Variants in POC1B observed in about 807,000 individuals in gnomAD.
POC1B encodes the protein POC1 centriolar protein B.
POC1B carries 44 observed loss-of-function variants against 60.6 expected under a neutral mutation model. The observed-to-expected ratio is 0.73, with a 90% confidence interval of 0.57 to 0.93. The LOEUF is 0.93. Ranked by LOEUF, POC1B falls within the 40% of genes least tolerant of loss-of-function variation. The pLI, the probability that POC1B is intolerant of heterozygous loss-of-function variation, is 0.00. For synonymous variants in POC1B, 180 were observed against 198.9 expected (o/e 0.90, Z 0.80); for missense variants, 555 against 572.3 (o/e 0.97, Z 0.31).
intron 2 of POC1B, chr12:89,500,650 T>C (rs1411920551): frequency 1.3e-6 from 2 of 1,576,246 alleles, no homozygotes; most frequent in African/African-American, 1.3e-5. Flanking sequence ...CTTACACTTT[T>C]GAAAATTCAG....
intron 10 of POC1B, among the ~76,000 whole-genome samples, chr12:89,440,048 A>G (rs1435330438): frequency 6.6e-6 from 1 of 152,128 alleles, no homozygotes; most frequent in Non-Finnish European, 1.5e-5. Flanking sequence ...TATAACCCAC[A>G]TGCATCCCCC....
chr12:89,444,299 C>CA (rs1881666223), intron 10 of POC1B, among the ~76,000 whole-genome samples: 2 of 151,950 alleles, frequency 1.3e-5, no homozygotes, highest in African/African-American at 4.8e-5. Flanking sequence ...AGAGACACAA[C>CA]GAAAAAAGAA....
At chr12:89,432,180 TTGAGACCAGCC>T in intron 10 of POC1B, among the ~76,000 whole-genome samples, 1 of 151,820 alleles carries the variant, frequency 6.6e-6, no homozygotes. Context: ...GCTCAAGAGT[TTGAGACCAGCC>T]TGGGCAACAC....
In POC1B at chr12:89,432,443, T is replaced by C. The variant is rs559650179; in HGVS notation, c.1114-7064A>G. Among the ~76,000 whole-genome samples the C allele has an allele frequency of 1.1e-4, 16 of 143,500 alleles. No homozygotes were observed. In the South Asian group the frequency reaches 2.9e-3, roughly 26 times the overall value. 94.1% of individuals were successfully genotyped at this position (143,500 alleles called of 152,430 possible). A position where few individuals can be genotyped will look rare whatever the true frequency, so the allele number is the denominator to read the frequency against. ...TAACTTAATCACATTGGCAAAGCCC[T>C]CTTTGCCATGTAAGGAAACATTTTC... On this transcript the variant is annotated intron_variant, in intron 10 of 11. Coordinates refer to ENST00000313546, the MANE Select transcript of POC1B (RefSeq NM_172240.3).
chr12:89,511,353 T>A (rs1870177334), intron 2 of POC1B, among the ~76,000 whole-genome samples: 1 of 151,250 alleles, frequency 6.6e-6, no homozygotes, highest in Admixed American at 6.6e-5. Context: ...GAGGCAGAAG[T>A]TGCAATGAGC....
chr12:89,409,627 C>A, the POC1B span, among the ~76,000 whole-genome samples: 4 of 152,176 alleles, frequency 2.6e-5, no homozygotes, highest in Non-Finnish European at 5.9e-5. Context: ...GGGGAGCTCA[C>A]CACTGATCCG....
intron 4 of POC1B, among the ~76,000 whole-genome samples, chr12:89,485,662 G>C (rs1302387421): frequency 2.0e-5 from 3 of 152,078 alleles, no homozygotes; most frequent in Admixed American, 1.3e-4. Context: ...AACCAAAATG[G>C]ACAAAGAAAG....
chr12:89,476,849 C>T (rs1883142638), intron 4 of POC1B, among the ~76,000 whole-genome samples: 1 of 152,182 alleles, frequency 6.6e-6, no homozygotes, highest in Admixed American at 6.5e-5. Context: ...TATAAAAACA[C>T]ATTCCCAGCA....
chr12:89,499,673 AAAAT>A (rs1869447336), intron 2 of POC1B, among the ~76,000 whole-genome samples: 1 of 152,266 alleles, frequency 6.6e-6, no homozygotes, highest in Admixed American at 6.5e-5. Context: ...AAAGAAATAA[AAAAT>A]AAAACAATTG....
intron 2 of POC1B, among the ~76,000 whole-genome samples, chr12:89,516,292 A>G (rs758869135): frequency 5.3e-5 from 8 of 152,162 alleles, no homozygotes; most frequent in African/African-American, 9.7e-5. Context: ...GATATCTTCA[A>G]TATTCAGACA....
intron 10 of POC1B, among the ~76,000 whole-genome samples, chr12:89,441,127 A>T (rs1011986002): frequency 1.3e-5 from 2 of 152,254 alleles, no homozygotes; most frequent in Admixed American, 6.5e-5. Context: ...AAGCTCGAAC[A>T]GGGTGGAACC....
the POC1B span, among the ~76,000 whole-genome samples, chr12:89,412,154 T>A: frequency 6.6e-6 from 1 of 152,138 alleles, no homozygotes; most frequent in Admixed American, 6.5e-5. Flanking sequence ...CAGCAAGAAG[T>A]CCTTGTCCAC....
chr12:89,419,386 T>C (rs537895583), downstream of POC1B, among the ~76,000 whole-genome samples: 2 of 152,312 alleles, frequency 1.3e-5, no homozygotes, highest in Non-Finnish European at 2.9e-5. Context: ...TCAAGGCATC[T>C]GCATTTATAT....
chr12:89,407,429 G>A, the POC1B span, among the ~76,000 whole-genome samples: 1 of 152,004 alleles, frequency 6.6e-6, no homozygotes, highest in East Asian at 1.9e-4. Context: ...TAGAGACGGG[G>A]GTTTCACCAT....
chr12:89,407,143 C>A, the POC1B span, among the ~76,000 whole-genome samples: 1 of 97,896 alleles, frequency 1.0e-5, no homozygotes. Flanking sequence ...AGCGAGACTC[C>A]GTCTCAAAAA....
intron 2 of POC1B, chr12:89,501,699 G>A (rs903444547): frequency 6.2e-6 from 6 of 971,520 alleles, no homozygotes; most frequent in Non-Finnish European, 9.9e-6. Flanking sequence ...ATTGGTGGGT[G>A]GTAAAATCAG....
chr12:89,424,984 T>C (rs1233351877), intron 11 of POC1B, among the ~76,000 whole-genome samples, 177 bp downstream of exon 11: 1 of 152,174 alleles, frequency 6.6e-6, no homozygotes, highest in Non-Finnish European at 1.5e-5. Context: ...TGCACACAAA[T>C]GCATAGGCTC....
intron 2 of POC1B, among the ~76,000 whole-genome samples, chr12:89,507,872 G>C (rs1307005009): frequency 6.6e-6 from 1 of 152,204 alleles, no homozygotes; most frequent in African/African-American, 2.4e-5. Context: ...GTTACTTAGA[G>C]GCTCTGTCTG....
chr12:89,463,878 C>T (rs1338556297), intron 9 of POC1B, among the ~76,000 whole-genome samples: 2 of 152,144 alleles, frequency 1.3e-5, no homozygotes, highest in East Asian at 3.9e-4. Flanking sequence ...TGCAGGATTC[C>T]CCACCTTCAA....
Sources: allele counts gnomAD v4.1 joint callset (sites outside exome capture counted in the v4.1 genomes callset), GRCh38; gene constraint gnomAD v4.1.1; transcripts MANE v1.5; gene names NCBI Gene and HGNC (gene_info 2026-07-23, HGNC 2026-07-21).